BTBD9: variants seen among roughly 807,000 people sequenced by gnomAD.
BTBD9 encodes the protein BTB domain containing 9.
Under a neutral mutation model 64.3 loss-of-function variants are expected in BTBD9, and 49 were observed. That is an observed-to-expected ratio of 0.76 (90% CI 0.61 to 0.97). The LOEUF (loss-of-function observed/expected upper bound fraction) is 0.97. BTBD9 is among the 50% of genes least tolerant of loss of function. The probability of loss-of-function intolerance (pLI) is 0.00; values close to 1 mark genes in which losing one functional copy is unlikely to be tolerated. For missense variants in BTBD9, 598 were observed against 762.1 expected, an observed-to-expected ratio of 0.78 and a Z score of 2.53; for synonymous variants, 260 against 274.7, an observed-to-expected ratio of 0.95 and a Z score of 0.53.
intron 6 of BTBD9, among the ~76,000 whole-genome samples, chr6:38,530,282 C>T (rs1582585283): frequency 1.3e-5 from 2 of 152,174 alleles, no homozygotes; most frequent in East Asian, 3.8e-4. Flanking sequence ...AGACCCTTAT[C>T]AGTGGTTCTG....
intron 6 of BTBD9, among the ~76,000 whole-genome samples, chr6:38,469,509 A>G (rs1045302687): frequency 6.6e-6 from 1 of 151,910 alleles, no homozygotes; most frequent in African/African-American, 2.4e-5. Context: ...TTTAGTAAAG[A>G]CGGGATTTTA....
chr6:38,292,660 G>A (rs1762005356), intron 7 of BTBD9, among the ~76,000 whole-genome samples: 1 of 152,068 alleles, frequency 6.6e-6, no homozygotes, highest in Non-Finnish European at 1.5e-5. Flanking sequence ...GATCAGTGGT[G>A]ATATTCCCTT....
intron 2 of BTBD9, 67 bp downstream of exon 2, chr6:38,597,843 T>A: frequency 7.4e-7 from 1 of 1,346,648 alleles, no homozygotes. Flanking sequence ...ATATTTTTCA[T>A]AGAGCAGAAA....
chr6:38,494,588 T>C (rs1771864031), intron 6 of BTBD9, among the ~76,000 whole-genome samples: 1 of 152,234 alleles, frequency 6.6e-6, no homozygotes, highest in Non-Finnish European at 1.5e-5. Context: ...TGAGTACATA[T>C]GGTGAGTTCA....
At chr6:38,327,522 T>A (rs1763487896) in intron 7 of BTBD9, among the ~76,000 whole-genome samples, 1 of 152,190 alleles carries the variant, frequency 6.6e-6, no homozygotes, top group African/African-American at 2.4e-5. Context: ...CCCCAAAGAC[T>A]GCCAAAATCT....
intron 1 of BTBD9, among the ~76,000 whole-genome samples, chr6:38,633,789 T>C (rs950158149): frequency 3.1e-4 from 47 of 151,872 alleles, no homozygotes; most frequent in African/African-American, 1.1e-3. Context: ...CAAATTTGAT[T>C]GCTAAAAAAA....
intron 7 of BTBD9, among the ~76,000 whole-genome samples, chr6:38,293,424 C>T (rs534452093): frequency 7.5e-4 from 114 of 152,240 alleles, no homozygotes; most frequent in Non-Finnish European, 9.9e-4. Flanking sequence ...AACTACACTA[C>T]AAAGCTACAG....
At chr6:38,486,545 G>C (rs1012941542) in intron 6 of BTBD9, among the ~76,000 whole-genome samples, 1 of 152,164 alleles carries the variant, frequency 6.6e-6, no homozygotes, top group African/African-American at 2.4e-5. Flanking sequence ...AGGGAGATTG[G>C]AGGACAGGGA....
chr6:38,421,151 A>G (rs929751244), intron 6 of BTBD9, among the ~76,000 whole-genome samples: 1 of 152,070 alleles, frequency 6.6e-6, no homozygotes, highest in Non-Finnish European at 1.5e-5. Flanking sequence ...TCAGGGGTCC[A>G]AGACCAGCCT....
intron 9 of BTBD9, among the ~76,000 whole-genome samples, chr6:38,212,746 T>A (rs1300275684): frequency 6.6e-6 from 1 of 152,042 alleles, no homozygotes; most frequent in Non-Finnish European, 1.5e-5. Flanking sequence ...CGTCAGCAGC[T>A]CCTTTCAGCC....
chr6:38,404,067 G>C (rs1767062477), intron 6 of BTBD9, among the ~76,000 whole-genome samples: 1 of 152,194 alleles, frequency 6.6e-6, no homozygotes, highest in Non-Finnish European at 1.5e-5. Context: ...GTGGTGGCCA[G>C]GGGATGGGGA....
chr6:38,339,062 C>T (rs904885976), intron 7 of BTBD9, among the ~76,000 whole-genome samples: 1 of 152,046 alleles, frequency 6.6e-6, no homozygotes, highest in Non-Finnish European at 1.5e-5. Flanking sequence ...TGGCAATATC[C>T]AGGAAAATTC....
chr6:38,235,834 T>C (rs1215449068), intron 9 of BTBD9, among the ~76,000 whole-genome samples: 1 of 152,204 alleles, frequency 6.6e-6, no homozygotes. Flanking sequence ...TGGCACTCTG[T>C]GAAGCATATG....
At chr6:38,215,107 ACT>A (rs1179161701) in intron 9 of BTBD9, among the ~76,000 whole-genome samples, 4 of 152,116 alleles carry the variant, frequency 2.6e-5, no homozygotes, top group African/African-American at 9.7e-5. Flanking sequence ...CTGACCAGTA[ACT>A]CTTTCTGATT....
At chr6:38,503,719 C>T (rs1047168907) in intron 6 of BTBD9, among the ~76,000 whole-genome samples, 3 of 152,184 alleles carry the variant, frequency 2.0e-5, no homozygotes, top group African/African-American at 7.2e-5. Flanking sequence ...TTCCTCCACT[C>T]CTACTGCTGG....
chr6:38,328,856 C>T (rs185485915), intron 7 of BTBD9, among the ~76,000 whole-genome samples: 4 of 150,740 alleles, frequency 2.7e-5, no homozygotes, highest in South Asian at 4.2e-4. Flanking sequence ...CTGAGGCAGG[C>T]GAATGGCGTG....
chr6:38,383,296 G>A (rs943742517), intron 6 of BTBD9, among the ~76,000 whole-genome samples: 8 of 152,096 alleles, frequency 5.3e-5, no homozygotes, highest in African/African-American at 1.7e-4. Flanking sequence ...AAAAACATTT[G>A]ATAAATCCAA....
intron 1 of BTBD9, among the ~76,000 whole-genome samples, chr6:38,620,340 CCTT>C (rs1777941642): frequency 1.3e-5 from 2 of 152,174 alleles, no homozygotes; most frequent in Admixed American, 6.5e-5. Context: ...CTGAAGGATG[CCTT>C]CTTCTGCATT....
At chr6:38,265,820 A>G (rs1764951977) in intron 8 of BTBD9, among the ~76,000 whole-genome samples, 1 of 152,094 alleles carries the variant, frequency 6.6e-6, no homozygotes, top group Non-Finnish European at 1.5e-5. Flanking sequence ...ACACCTGGCT[A>G]AAACAACCAA....
Sources: allele counts gnomAD v4.1 joint callset (sites outside exome capture counted in the v4.1 genomes callset), GRCh38; gene constraint gnomAD v4.1.1; transcripts MANE v1.5; gene names NCBI Gene and HGNC (gene_info 2026-07-23, HGNC 2026-07-21).